Variants in TMX4 observed in about 807,000 individuals in gnomAD.
The protein encoded by TMX4 is thioredoxin-related transmembrane protein 4.
In TMX4, 23 loss-of-function variants were observed where a neutral mutation model predicts 33.3. The observed-to-expected ratio is 0.69, with a 90% CI of 0.50 to 0.98. The LOEUF (loss-of-function observed/expected upper bound fraction) is 0.98, where lower values mean the gene tolerates loss of function less well. TMX4 is among the 50% of genes least tolerant of loss of function. The pLI is 0.00. For missense variants in TMX4, 399 were observed against 448.9 expected (o/e 0.89, Z 1.01); for synonymous variants, 164 against 161.5 (o/e 1.02, Z -0.12).
At chr20:7,995,718 G>C (rs965095972) in intron 5 of TMX4, among the ~76,000 whole-genome samples, 80 of 151,994 alleles carry the variant, frequency 5.3e-4, no homozygotes, top group African/African-American at 1.9e-3. Flanking sequence ...TTTGTAGGGA[G>C]ATATGCCTAC....
Position 7,982,641 on chromosome 20 carries a change from G to A in TMX4, c.680-20C>T. On this transcript the variant is annotated intron_variant, in intron 7 of 7. Transcript: ENST00000246024. The stretch of plus-strand genomic sequence containing the variant: ...TCTGCTCTATGGAGGGAAGAAAGAG[G>A]AATATCCTCTGAATAAACAATGGTA... The A allele has an allele frequency of 6.3e-7, 1 of 1,591,556 alleles. No homozygotes were observed. Among genetic ancestry groups the A allele is most frequent in the Non-Finnish European group, 8.5e-7 (1 of 1,171,590 alleles).
At chr20:7,999,023 G>A (rs2050690123) in intron 4 of TMX4, among the ~76,000 whole-genome samples, 1 of 152,192 alleles carries the variant, frequency 6.6e-6, no homozygotes, top group Admixed American at 6.5e-5. Context: ...AATGAAATGT[G>A]AGAGTTGTTT....
intron 6 of TMX4, among the ~76,000 whole-genome samples, chr20:7,985,237 G>A (rs1000613398): frequency 2.7e-5 from 4 of 146,866 alleles, no homozygotes; most frequent in Admixed American, 6.9e-5. Context: ...GTGTGTGTGT[G>A]TATATATATG....
chr20:7,996,421 A>G (rs149128852), intron 4 of TMX4, among the ~76,000 whole-genome samples: 165 of 152,296 alleles, frequency 1.1e-3, no homozygotes, highest in African/African-American at 3.5e-3. Flanking sequence ...ACTGTCCAGC[A>G]CTTTCTAAGC....
intron 1 of TMX4, among the ~76,000 whole-genome samples, chr20:8,018,323 C>CAG (rs72313818): frequency 3.7e-4 from 20 of 54,734 alleles, no homozygotes; most frequent in Admixed American, 6.9e-4. Flanking sequence ...GAGAGAGAGA[C>CAG]AGAGAGAGAG....
chr20:8,015,006 T>C (rs926939058), intron 1 of TMX4, among the ~76,000 whole-genome samples: 2 of 149,472 alleles, frequency 1.3e-5, no homozygotes, highest in Admixed American at 6.6e-5. Flanking sequence ...GCTTCTTTTT[T>C]TCTTTTTTTT....
intron 6 of TMX4, among the ~76,000 whole-genome samples, chr20:7,986,362 G>T (rs940127068): frequency 2.6e-5 from 4 of 152,092 alleles, no homozygotes; most frequent in Non-Finnish European, 5.9e-5. Context: ...GCCTCTTGGG[G>T]TTGTGACTTA....
At chr20:8,007,936 C>G (rs1305775123) in intron 2 of TMX4, among the ~76,000 whole-genome samples, 1 of 152,224 alleles carries the variant, frequency 6.6e-6, no homozygotes, top group Non-Finnish European at 1.5e-5. Flanking sequence ...CTATTTATCT[C>G]CTCCACTAGA....
chr20:8,010,322 GAGA>G lies in TMX4; in HGVS notation c.177-10_177-8del. 1 of 1,587,808 alleles carries G rather than the reference GAGA, an allele frequency of 6.3e-7. No individual in the cohort carries two copies. The highest frequency in any genetic ancestry group is 8.6e-7 in the Non-Finnish European group (1 of 1,162,706). ...TGGACACCATGGGGCGTAACTATAA[GAGA>G]AGAATAAGAATTATATTGATAAATA... On this transcript the variant is annotated splice_region_variant and splice_polypyrimidine_tract_variant and intron_variant, in intron 1 of 7. Coordinates refer to ENST00000246024, the MANE Select transcript of TMX4 (RefSeq NM_021156.4).
chr20:8,015,700 C>A (rs2050772146), intron 1 of TMX4, among the ~76,000 whole-genome samples: 1 of 151,990 alleles, frequency 6.6e-6, no homozygotes, highest in African/African-American at 2.4e-5. Flanking sequence ...TTGACATGGG[C>A]AAGTTAAGGT....
chr20:8,009,671 G>A (rs1202113700), intron 2 of TMX4, among the ~76,000 whole-genome samples: 1 of 151,912 alleles, frequency 6.6e-6, no homozygotes, highest in Non-Finnish European at 1.5e-5. Context: ...GAAAATACTC[G>A]TATAAGTTAA....
chr20:7,989,789 T>C (rs2050646447), intron 5 of TMX4, among the ~76,000 whole-genome samples: 1 of 152,222 alleles, frequency 6.6e-6, no homozygotes, highest in East Asian at 1.9e-4. Flanking sequence ...GAATAGCTTA[T>C]TAAATAAAAT....
chr20:8,000,638 G>A (rs1180278666), intron 3 of TMX4, among the ~76,000 whole-genome samples: 2 of 151,900 alleles, frequency 1.3e-5, no homozygotes, highest in Non-Finnish European at 2.9e-5. Flanking sequence ...TCCTAATGTT[G>A]GCCAATCCCA....
In TMX4 at chr20:7,980,434, G is replaced by A. The variant is rs2050600353; in HGVS notation, c.*1817C>T. On this transcript the variant is annotated 3_prime_UTR_variant, in exon 8 of 8. Transcript: ENST00000246024. The stretch of plus-strand genomic sequence containing the variant: ...CTCTGATCGAGAAAAGCTTCCTGAT[G>A]TCAGGGAGATGGAACTGCCACCATC... 1 of 152,242 alleles carries A rather than the reference G, an allele frequency of 6.6e-6. No individual in the cohort carries two copies. Among genetic ancestry groups the A allele is most frequent in the Non-Finnish European group, 1.5e-5 (1 of 68,100 alleles). 9.4% of individuals were successfully genotyped at this position (152,242 alleles called of 1,614,324 possible).
chr20:7,994,728 C>T (rs747779991), intron 5 of TMX4, among the ~76,000 whole-genome samples: 42 of 152,170 alleles, frequency 2.8e-4, no homozygotes, highest in Non-Finnish European at 5.0e-4. Context: ...TTGAATTAGA[C>T]AGTATAATGC....
chr20:7,984,777 T>G (rs1425681024), intron 6 of TMX4, among the ~76,000 whole-genome samples: 1 of 152,138 alleles, frequency 6.6e-6, no homozygotes, highest in Non-Finnish European at 1.5e-5. Flanking sequence ...TCTGGAAAAT[T>G]GTACACTCAA....
chr20:7,998,163 C>T (rs541734639), intron 4 of TMX4, among the ~76,000 whole-genome samples: 85 of 152,204 alleles, frequency 5.6e-4, no homozygotes, highest in Middle Eastern at 3.4e-3. Flanking sequence ...TATAAATTAC[C>T]CAGTCTCAAG....
At chr20:8,002,983 G>A (rs1828328202) in intron 2 of TMX4, among the ~76,000 whole-genome samples, 4 of 152,182 alleles carry the variant, frequency 2.6e-5, no homozygotes, top group African/African-American at 9.6e-5. Context: ...AAACACGAGT[G>A]ACCCAAAAAT....
intron 6 of TMX4, 137 bp downstream of exon 6, chr20:7,987,147 TCAAA>T (rs774615813): frequency 1.6e-6 from 1 of 622,414 alleles, no homozygotes; most frequent in Non-Finnish European, 2.8e-6. Flanking sequence ...GAAAGCAGTC[TCAAA>T]CAAGCAAATG....
Sources: allele counts gnomAD v4.1 joint callset (sites outside exome capture counted in the v4.1 genomes callset), GRCh38; gene constraint gnomAD v4.1.1; transcripts MANE v1.5; gene names NCBI Gene and HGNC (gene_info 2026-07-23, HGNC 2026-07-21).